Variants in RIF1 observed in about 807,000 individuals in gnomAD.
The protein encoded by RIF1 is replication timing regulatory factor 1, also known as telomere-associated protein RIF1.
A neutral mutation model predicts 247.1 loss-of-function variants in RIF1; 45 were observed. The ratio of observed to expected loss-of-function variants is 0.18; its 90% CI spans 0.14 to 0.23. The LOEUF is 0.23. Among genes scored for constraint, RIF1 ranks in the 10% least tolerant of loss-of-function variants. The pLI, the probability that RIF1 is intolerant of heterozygous loss-of-function variation, is 1.00. For synonymous variants in RIF1, 1,087 were observed against 978.8 expected, an observed-to-expected ratio of 1.11 and a Z score of -2.06; for missense variants, 2,967 against 2,862.5, an observed-to-expected ratio of 1.04 and a Z score of -0.83.
chr2:151,414,731 A>G (rs1686896222), intron 3 of RIF1, 92 bp from the exon 4 acceptor site: 2 of 771,320 alleles, frequency 2.6e-6, no homozygotes, highest in Non-Finnish European at 4.3e-6. Context: ...GAGTAACATG[A>G]TGAATATGCT....
At chr2:151,532,766 A>G in the RIF1 span, among the ~76,000 whole-genome samples, 1 of 152,022 alleles carries the variant, frequency 6.6e-6, no homozygotes, top group Admixed American at 6.6e-5. Flanking sequence ...TTGGTCTGGG[A>G]AAAATGGTAT....
chr2:151,440,825 C>T (rs1692157386), intron 15 of RIF1, among the ~76,000 whole-genome samples: 1 of 152,150 alleles, frequency 6.6e-6, no homozygotes, highest in Non-Finnish European at 1.5e-5. Context: ...GGGAATGTAG[C>T]AGTAGTTAAA....
chr2:151,505,654 C>A (rs1327789338), intron 12 of RIF1: 2 of 1,163,348 alleles, frequency 1.7e-6, no homozygotes, highest in South Asian at 1.2e-5. Flanking sequence ...TTTTTGTAGC[C>A]CCCAAATTAA....
intron 35 of RIF1, 124 bp from the exon 36 acceptor site, chr2:151,474,733 A>C (rs1208593958): frequency 4.2e-5 from 27 of 646,550 alleles, no homozygotes; most frequent in South Asian, 7.4e-5. Context: ...GCTTGTCCTC[A>C]TGAAGACTTA....
At chr2:151,507,575 A>G (rs909285642) in intron 13 of RIF1, among the ~76,000 whole-genome samples, 2 of 152,206 alleles carry the variant, frequency 1.3e-5, no homozygotes, top group Non-Finnish European at 2.9e-5. Flanking sequence ...TCCCCTGTTT[A>G]TTACCATTGG....
chr2:151,417,485 A>G (rs1687407391), intron 6 of RIF1, among the ~76,000 whole-genome samples: 1 of 152,190 alleles, frequency 6.6e-6, no homozygotes, highest in Non-Finnish European at 1.5e-5. Context: ...TGAATTTAGT[A>G]ATATAACAAT....
chr2:151,468,441 T>A, intron 31 of RIF1, 33 bp from the exon 32 acceptor site: 1 of 1,511,546 alleles, frequency 6.6e-7, no homozygotes, highest in Non-Finnish European at 9.2e-7. Context: ...TCTAGGGTTC[T>A]GAGTGTTTTT....
intron 35 of RIF1, 124 bp downstream of exon 35, chr2:151,474,196 A>G: frequency 1.6e-6 from 1 of 639,202 alleles, no homozygotes; most frequent in Non-Finnish European, 2.8e-6. Flanking sequence ...GTTTAATGTG[A>G]AGTATATGAA....
At chr2:151,498,840 C>T (rs1024279742) in intron 10 of RIF1, among the ~76,000 whole-genome samples, 5 of 150,792 alleles carry the variant, frequency 3.3e-5, no homozygotes, top group Non-Finnish European at 4.4e-5. Flanking sequence ...TTTGGGTGAA[C>T]ACATTGAGAA....
chr2:151,426,782 G>T (rs988167726), intron 8 of RIF1, among the ~76,000 whole-genome samples: 92 of 151,954 alleles, frequency 6.1e-4, no homozygotes, highest in African/African-American at 2.2e-3. Flanking sequence ...GAGTAGCTGG[G>T]ATTATAGGTG....
Position 151,462,232 on chromosome 2 carries a change from T to C in RIF1, c.3228-10T>C. The stretch of plus-strand genomic sequence containing the variant: ...GGTTTTTGAAGTTACTTATATATAG[T>C]TTTTTTCAGGTGTGATATTCCTGCC... On this transcript the variant is annotated splice_polypyrimidine_tract_variant and intron_variant, in intron 27 of 35. Coordinates refer to ENST00000444746, the MANE Select transcript of RIF1 (RefSeq NM_018151.5). The C allele has an allele frequency of 1.3e-6, 2 of 1,537,122 alleles. No homozygotes were observed. Among genetic ancestry groups the C allele is most frequent in the Non-Finnish European group, 1.8e-6 (2 of 1,128,298 alleles).
chr2:151,435,939 A>C (rs1691110039), intron 11 of RIF1, among the ~76,000 whole-genome samples: 1 of 152,104 alleles, frequency 6.6e-6, no homozygotes, highest in Non-Finnish European at 1.5e-5. Flanking sequence ...AAAACAACAC[A>C]TCGGCCAGGT....
intron 3 of RIF1, among the ~76,000 whole-genome samples, chr2:151,412,607 C>A (rs1204274403): frequency 6.6e-6 from 1 of 152,120 alleles, no homozygotes; most frequent in African/African-American, 2.4e-5. Flanking sequence ...CCCGCCTCAG[C>A]CTCCTGAGTA....
chr2:151,492,511 C>A, intron 9 of RIF1: 1 of 1,564,654 alleles, frequency 6.4e-7, no homozygotes, highest in South Asian at 1.1e-5. Context: ...CAGGAGAGAC[C>A]GTGAATGAGT....
In RIF1 at chr2:151,440,113, G is replaced by A; in HGVS notation, c.1633G>A (p.Val545Ile). Residue 545 changes from valine to isoleucine, a missense_variant, in exon 15 of 36, where the codon GTA becomes ATA. Physicochemically the swap from Val to Ile is conservative, Grantham distance 29. This residue lies in a region of RIF1 where 369 missense variants were observed against 322.0 expected (regional missense o/e 1.15). Transcript: ENST00000444746. ...ESIVKSEVFP[V>I]SKTLVLMEIT... ...CATAGTAAAGTCTGAAGTATTTCCT[G>A]TATCAAAAACGCTGGTAAGTATAAT... is the stretch of plus-strand genomic sequence containing the variant. 6.4e-7 allele frequency: 1 copy of A among 1,571,200 alleles called. No homozygotes were observed. Among genetic ancestry groups the A allele is most frequent in the Non-Finnish European group, 8.7e-7 (1 of 1,150,060 alleles).
rs138582547 is a variant in RIF1, at chr2:151,488,270, T to C, written c.*415+4935T>C. Among the ~76,000 whole-genome samples the C allele has an allele frequency of 1.1e-4, 17 of 152,240 alleles. No individual in the cohort carries two copies. In the East Asian group the frequency reaches 3.1e-3, roughly 28 times the overall value. On this transcript the variant is annotated intron_variant and NMD_transcript_variant, in intron 9 of 13. Coordinates refer to the RIF1 transcript ENST00000454583. ...TTGTATTTATTTGTTATAGAAACATTTAAAATTTTATGATCAAATTGGCCA... is the reference window on the plus strand; with the variant it reads ...TTGTATTTATTTGTTATAGAAACATCTAAAATTTTATGATCAAATTGGCCA...
At chr2:151,417,158 C>G (rs778311115) in intron 6 of RIF1, among the ~76,000 whole-genome samples, 27 of 152,078 alleles carry the variant, frequency 1.8e-4, no homozygotes, top group Non-Finnish European at 3.4e-4. Flanking sequence ...ATACACAGTT[C>G]AGGTTTGAAA....
chr2:151,499,962 C>T (rs1215821605), intron 11 of RIF1, among the ~76,000 whole-genome samples: 1 of 152,032 alleles, frequency 6.6e-6, no homozygotes, highest in East Asian at 1.9e-4. Flanking sequence ...CAAATGGTTA[C>T]TTTAAAAAAA....
downstream of RIF1, among the ~76,000 whole-genome samples, chr2:151,483,511 TTGG>T (rs551200273): frequency 4.4e-3 from 667 of 152,260 alleles, 6 homozygotes; most frequent in African/African-American, 0.015. Context: ...TTGAGGCTAG[TTGG>T]TGGATGTAGG....
Sources: allele counts gnomAD v4.1 joint callset (sites outside exome capture counted in the v4.1 genomes callset), GRCh38; gene constraint gnomAD v4.1.1; regional missense constraint gnomAD v4.1.1; transcripts MANE v1.5; gene names NCBI Gene and HGNC (gene_info 2026-07-23, HGNC 2026-07-21).